PPP1R12A: variants seen among roughly 807,000 people sequenced by gnomAD.
PPP1R12A encodes the protein myosin binding subunit.
In PPP1R12A, 19 loss-of-function variants were observed where a neutral mutation model predicts 139.6. That is an observed-to-expected ratio of 0.14 (90% CI 0.09 to 0.20). PPP1R12A has a LOEUF of 0.20. Among genes scored for constraint, PPP1R12A ranks in the 10% least tolerant of loss-of-function variants. The pLI is 1.00. For synonymous variants in PPP1R12A, 427 were observed against 420.6 expected (o/e 1.02, Z -0.19); for missense variants, 925 against 1,211.5 (o/e 0.76, Z 3.51).
chr12:79,912,864 C>A (rs1279852646), intron 1 of PPP1R12A, among the ~76,000 whole-genome samples: 1 of 152,088 alleles, frequency 6.6e-6, no homozygotes, highest in Non-Finnish European at 1.5e-5. Context: ...TATGTTAATC[C>A]ATAGAGTACG....
chr12:79,871,644 C>G (rs1195794723), intron 2 of PPP1R12A, among the ~76,000 whole-genome samples: 5 of 152,144 alleles, frequency 3.3e-5, no homozygotes, highest in African/African-American at 1.2e-4. Context: ...TATCAATTAA[C>G]TCCAGAGCCT....
intron 9 of PPP1R12A, among the ~76,000 whole-genome samples, chr12:79,817,164 T>C (rs925427528): frequency 6.6e-6 from 1 of 152,158 alleles, no homozygotes; most frequent in Non-Finnish European, 1.5e-5. Context: ...TATGTAATAT[T>C]TGTTAACTAC....
chr12:79,781,925 A>C, intron 22 of PPP1R12A, 63 bp from the exon 23 acceptor site: 1 of 953,562 alleles, frequency 1.0e-6, no homozygotes, highest in Non-Finnish European at 1.6e-6. Flanking sequence ...TGACCACAGT[A>C]ATTCTCTTTT....
intron 1 of PPP1R12A, among the ~76,000 whole-genome samples, chr12:79,926,191 A>T (rs900253635): frequency 2.6e-5 from 4 of 151,990 alleles, no homozygotes; most frequent in Non-Finnish European, 5.9e-5. Context: ...ACATCCCAAT[A>T]ATTTTTTTCT....
chr12:79,869,178 T>C lies in PPP1R12A; in HGVS notation c.368+3630A>G, dbSNP rs572254002. ...TTATTTTGGTGAAAAGGTGAGATAA[T>C]TGAGCCAGTGTATGAAGAGCCATCA... On this transcript the variant is annotated intron_variant, in intron 2 of 24. Transcript: ENST00000450142. 1.8e-3 allele frequency among the ~76,000 whole-genome samples: 268 copies of C among 152,334 alleles called. 2 individuals carry two copies. The highest frequency in any genetic ancestry group is 6.2e-3 in the African/African-American group (257 of 41,578).
intron 3 of PPP1R12A, among the ~76,000 whole-genome samples, chr12:79,838,153 A>C (rs4558222): frequency 0.019 from 2,886 of 152,324 alleles, 94 homozygotes; most frequent in African/African-American, 0.066. Context: ...AGTTGGTCTC[A>C]GATGGAGATG....
chr12:79,797,205 G>A lies in PPP1R12A; in HGVS notation c.2282C>T (p.Thr761Met), dbSNP rs1445687102. The A allele has an allele frequency of 2.5e-6, 4 of 1,584,530 alleles. No homozygotes were observed. Among genetic ancestry groups the A allele is most frequent in the Admixed American group, 1.8e-5 (1 of 55,554 alleles). ...TTGATATACTGTTACCTCATCATAC[G>A]TTCTGGAGTACTTTTGTTTATATTC... ...EDEYKQKYSR[T>M]YDETYQRYRP... The change falls in exon 16 of 25, where the codon ACG becomes ATG. Residue 761 changes from threonine to methionine, a missense_variant. By Grantham distance (81) the Thr-to-Met change is moderately conservative. Coordinates refer to ENST00000450142, the MANE Select transcript of PPP1R12A (RefSeq NM_002480.3).
rs1159650984 is a variant in PPP1R12A at position 79,809,975 on chromosome 12, T to C, written c.1275A>G (p.Glu425=). Residue 425 remains glutamate, a synonymous_variant, in exon 10 of 25, where the codon GAA becomes GAG. Transcript: ENST00000450142. ...CAGGAGACTCATCTTTTCTCTCTTC[T>C]TCTTTGGGAGAAATTTTTGTAGCTG... is the stretch of plus-strand genomic sequence containing the variant. The part of the protein sequence containing the change: ...PTTATKISPK[E]EERKDESPAT... 1 of 1,613,046 alleles carries C rather than the reference T, an allele frequency of 6.2e-7. No homozygotes were observed. Among genetic ancestry groups the C allele is most frequent in the Non-Finnish European group, 8.5e-7 (1 of 1,179,554 alleles).
At chr12:79,876,113 T>G (rs1883075189) in intron 1 of PPP1R12A, among the ~76,000 whole-genome samples, 1 of 152,202 alleles carries the variant, frequency 6.6e-6, no homozygotes, top group Non-Finnish European at 1.5e-5. Flanking sequence ...ATTTCATAAA[T>G]GAAGTCTTTG....
intron 14 of PPP1R12A, among the ~76,000 whole-genome samples, chr12:79,799,697 T>C (rs916780361): frequency 2.6e-5 from 4 of 152,146 alleles, no homozygotes; most frequent in African/African-American, 9.7e-5. Context: ...ACCTTTTCAA[T>C]AGCAAGTAAT....
intron 14 of PPP1R12A, among the ~76,000 whole-genome samples, chr12:79,802,387 A>C (rs1178421317): frequency 1.3e-5 from 2 of 152,194 alleles, no homozygotes. Flanking sequence ...TTATGTACCT[A>C]CTGGCCCTAT....
chr12:79,850,589 T>C (rs1226070386), intron 2 of PPP1R12A, among the ~76,000 whole-genome samples: 1 of 152,230 alleles, frequency 6.6e-6, no homozygotes, highest in East Asian at 1.9e-4. Flanking sequence ...GAGCTAAATA[T>C]ATTTAGTGTC....
At chr12:79,849,967 GAACATACTAC>G (rs1313485132) in intron 2 of PPP1R12A, among the ~76,000 whole-genome samples, 1 of 151,592 alleles carries the variant, frequency 6.6e-6, no homozygotes, top group African/African-American at 2.4e-5. Context: ...AGGAATACAA[GAACATACTAC>G]AACACCCAGC....
rs553014117 is a variant in PPP1R12A, at chr12:79,773,636, A to G, written c.*2293T>C. ...CCAAATTGGTACACAGATTGCATAA[A>G]TATGGCAATTAAGATTGCATTTACA... On this transcript the variant is annotated 3_prime_UTR_variant, in exon 25 of 25. Coordinates refer to ENST00000450142, the MANE Select transcript of PPP1R12A (RefSeq NM_002480.3). 2 of 152,324 alleles carry G rather than the reference A, an allele frequency of 1.3e-5. No individual in the cohort carries two copies. Among genetic ancestry groups the G allele is most frequent in the East Asian group, 3.9e-4 (2 of 5,186 alleles). The allele number at this position is 152,324 out of a possible 1,614,324, so 9.4% of individuals were successfully genotyped here. A position where few individuals can be genotyped will look rare whatever the true frequency, so the allele number is the denominator to read the frequency against.
intron 1 of PPP1R12A, among the ~76,000 whole-genome samples, chr12:79,894,525 G>C (rs985931641): frequency 6.6e-6 from 1 of 151,964 alleles, no homozygotes; most frequent in Admixed American, 6.6e-5. Flanking sequence ...GCTATCATCC[G>C]AGGATTCATA....
intron 2 of PPP1R12A, among the ~76,000 whole-genome samples, chr12:79,859,403 A>G (rs1035560826): frequency 6.6e-6 from 1 of 151,766 alleles, no homozygotes; most frequent in African/African-American, 2.4e-5. Flanking sequence ...AGATGGAAAA[A>G]GGTAATGAGA....
chr12:79,816,695 T>G (rs879365434), intron 9 of PPP1R12A, among the ~76,000 whole-genome samples: 10 of 152,142 alleles, frequency 6.6e-5, no homozygotes, highest in Non-Finnish European at 1.3e-4. Context: ...GAAATGAAAC[T>G]AACATTTTGA....
At chr12:79,824,870 A>C (rs1876573501) in intron 5 of PPP1R12A, 1 of 152,064 alleles carries the variant, frequency 6.6e-6, no homozygotes, top group African/African-American at 2.4e-5. Context: ...TAACTGCTTA[A>C]AAAAAAATCA....
At chr12:79,932,354 CCT>C (rs1477368962) in intron 1 of PPP1R12A, among the ~76,000 whole-genome samples, 23 of 151,944 alleles carry the variant, frequency 1.5e-4, no homozygotes, top group African/African-American at 5.3e-4. Context: ...AAGTGAACTC[CCT>C]GTTTTCATAG....
Sources: allele counts gnomAD v4.1 joint callset (sites outside exome capture counted in the v4.1 genomes callset), GRCh38; gene constraint gnomAD v4.1.1; transcripts MANE v1.5; gene names NCBI Gene and HGNC (gene_info 2026-07-23, HGNC 2026-07-21).